MYCBPAP: variants seen among roughly 807,000 people sequenced by gnomAD.
The protein encoded by MYCBPAP is MYCBP associated protein, also known as MYCBP-associated protein.
In MYCBPAP, 60 loss-of-function variants were observed where a neutral mutation model predicts 106.1. That is an observed-to-expected ratio of 0.57 (90% CI 0.46 to 0.70). MYCBPAP has a LOEUF of 0.70. MYCBPAP is among the 30% of genes least tolerant of loss of function. The pLI, the probability that MYCBPAP is intolerant of heterozygous loss-of-function variation, is 0.00. For synonymous variants in MYCBPAP, 407 were observed against 440.6 expected (o/e 0.92, Z 0.95); for missense variants, 1,064 against 1,169.3 (o/e 0.91, Z 1.31).
intron 1 of MYCBPAP, among the ~76,000 whole-genome samples, chr17:50,513,668 C>T (rs2033940489): frequency 6.6e-6 from 1 of 152,206 alleles, no homozygotes; most frequent in African/African-American, 2.4e-5. Context: ...CAGTAAAAAG[C>T]ACACATCTGG....
At chr17:50,518,488 C>T in intron 4 of MYCBPAP, 53 bp from the exon 5 acceptor site, 6 of 1,476,326 alleles carry the variant, frequency 4.1e-6, no homozygotes, top group African/African-American at 1.4e-5. Flanking sequence ...GTGTGCTCAG[C>T]CCTGCCCAGA....
chr17:50,511,691 G>A (rs1013890387), intron 1 of MYCBPAP, among the ~76,000 whole-genome samples: 4 of 152,270 alleles, frequency 2.6e-5, no homozygotes, highest in African/African-American at 9.6e-5. Flanking sequence ...AGCATCAAGG[G>A]AGAAATGTCA....
At chr17:50,523,564 A>G (rs780497660) in intron 11 of MYCBPAP, 33 bp from the exon 12 acceptor site, 4 of 1,610,396 alleles carry the variant, frequency 2.5e-6, no homozygotes, top group African/African-American at 1.3e-5. Context: ...CAGCTCCTGC[A>G]TGTTGAAAAC....
intron 14 of MYCBPAP, among the ~76,000 whole-genome samples, chr17:50,526,904 G>A (rs901135049): frequency 3.4e-4 from 51 of 152,202 alleles, no homozygotes; most frequent in African/African-American, 1.1e-3. Context: ...TAGTAGAGAC[G>A]GGGTTTCACC....
chr17:50,519,132 T>TG (rs2034164082), intron 6 of MYCBPAP, 43 bp downstream of exon 6: 1 of 746,136 alleles, frequency 1.3e-6, no homozygotes, highest in South Asian at 2.2e-5. Flanking sequence ...GGGGGGTCCA[T>TG]GGAGGAGGGG....
At chr17:50,524,777 A>G (rs1030626642) in intron 12 of MYCBPAP, 100 bp from the exon 13 acceptor site, 16 of 1,209,078 alleles carry the variant, frequency 1.3e-5, no homozygotes, top group Admixed American at 2.0e-5. Context: ...AGGAACTCAG[A>G]CCCTAGGAAG....
intron 16 of MYCBPAP, 141 bp from the exon 17 acceptor site, chr17:50,528,554 G>A: frequency 8.9e-7 from 1 of 1,123,082 alleles, no homozygotes. Context: ...CCACAGTCCT[G>A]TTTCATGAAG....
rs138694699 is a variant in MYCBPAP, at chr17:50,523,014, G to T, written c.1333G>T (p.Val445Phe). ...GEKTSSELTV[V>F]NNGTVAIWYD... ...GAAAACCTCCTCAGAACTGACTGTG[G>T]TCAATAATGGCACCGTGGCCATTTG... is the stretch of plus-strand genomic sequence containing the variant. The change falls in exon 11 of 19, where the codon GTC becomes TTC. Residue 445 changes from valine to phenylalanine, a missense_variant. By Grantham distance (50) the Val-to-Phe change is conservative. Transcript: ENST00000323776. 1.1e-5 allele frequency: 18 copies of T among 1,614,068 alleles called. No homozygotes were observed. The highest frequency in any genetic ancestry group is 1.4e-5 in the Non-Finnish European group (17 of 1,180,004).
intron 1 of MYCBPAP, among the ~76,000 whole-genome samples, chr17:50,513,914 G>C (rs1327959820): frequency 6.6e-6 from 1 of 152,200 alleles, no homozygotes; most frequent in Admixed American, 6.5e-5. Context: ...CTGGAACTCG[G>C]GGTTCAGCCG....
At chr17:50,524,804 G>T in intron 12 of MYCBPAP, 73 bp from the exon 13 acceptor site, 2 of 1,538,530 alleles carry the variant, frequency 1.3e-6, no homozygotes, top group South Asian at 1.2e-5. Flanking sequence ...AGTCCTGGGG[G>T]CTCCAACTTC....
chr17:50,518,191 G>A (rs2034121742), intron 4 of MYCBPAP, among the ~76,000 whole-genome samples: 1 of 152,222 alleles, frequency 6.6e-6, no homozygotes, highest in Admixed American at 6.5e-5. Context: ...CTGGTTCCAG[G>A]CTGACTCTGA....
rs2034101778 is a variant in MYCBPAP at position 50,517,655 on chromosome 17, T to G, written c.425T>G (p.Leu142Arg). 18 of 1,614,052 alleles carry G rather than the reference T, an allele frequency of 1.1e-5. No individual in the cohort carries two copies. Among genetic ancestry groups the G allele is most frequent in the Non-Finnish European group, 1.4e-5 (16 of 1,180,050 alleles). ...CTGCCCCACCACATCTTGGGGAGTC[T>G]CCAGGATTTTAAGAGAATTGCACTT... ...QILPHHILGS[L>R]QDFKRIALAR... Residue 142 changes from leucine (L) to arginine (R), a missense_variant, in exon 4 of 19, where the codon CTC (leucine) becomes CGC (arginine). Physicochemically the swap from Leu to Arg is moderately radical, Grantham distance 102. Coordinates refer to ENST00000323776, the MANE Select transcript of MYCBPAP (RefSeq NM_032133.6).
At chr17:50,522,827 G>A in intron 10 of MYCBPAP, 112 bp from the exon 11 acceptor site, 1 of 1,048,968 alleles carries the variant, frequency 9.5e-7, no homozygotes, top group Non-Finnish European at 1.4e-6. Flanking sequence ...TGGAGGCCTG[G>A]GACACGAGAC....
rs138251646 is a variant in MYCBPAP at position 50,529,147 on chromosome 17, C to T, written c.2683C>T (p.Pro895Ser). 5.0e-6 allele frequency: 8 copies of T among 1,613,594 alleles called. No individual in the cohort carries two copies. Among genetic ancestry groups the T allele is most frequent in the Non-Finnish European group, 6.8e-6 (8 of 1,180,018 alleles). Residue 895 changes from proline to serine, a missense_variant, in exon 18 of 19, where the codon CCC becomes TCC. Pro to Ser is a moderately conservative substitution (Grantham distance 74). Coordinates refer to ENST00000323776, the MANE Select transcript of MYCBPAP (RefSeq NM_032133.6). ...CCTCTCTTCTCAAGAACCCATAGACCCCCTGGTCATGGGGAAATACACCCA... is the reference window on the plus strand; with the variant it reads ...CCTCTCTTCTCAAGAACCCATAGACTCCCTGGTCATGGGGAAATACACCCA... ...IILSSQEPID[P>S]LVMGKYTQSL...
intron 7 of MYCBPAP, 89 bp from the exon 8 acceptor site, chr17:50,521,021 G>T: frequency 2.0e-6 from 2 of 1,001,000 alleles, no homozygotes; most frequent in Non-Finnish European, 3.0e-6. Context: ...AAATGGTGTT[G>T]GGATAGGCAC....
chr17:50,508,502 A>G lies in MYCBPAP; in HGVS notation c.-173A>G. The G allele has an allele frequency of 2.0e-6, 3 of 1,515,456 alleles. No individual in the cohort carries two copies. Among genetic ancestry groups the G allele is most frequent in the Non-Finnish European group, 2.6e-6 (3 of 1,132,378 alleles). 93.9% of individuals were successfully genotyped at this position (1,515,456 alleles called of 1,614,324 possible). A position where few individuals can be genotyped will look rare whatever the true frequency, so the allele number is the denominator to read the frequency against. The stretch of plus-strand genomic sequence containing the variant: ...CGGCGGGCGCGTGCGCGGCCCGATG[A>G]AGAAGGAGGTTTCCAAGCCGTCTCC... On this transcript the variant is annotated 5_prime_UTR_variant, in exon 1 of 19. Coordinates refer to ENST00000323776, the MANE Select transcript of MYCBPAP (RefSeq NM_032133.6).
At chr17:50,522,875 G>A (rs1412014270) in intron 10 of MYCBPAP, 64 bp from the exon 11 acceptor site, 4 of 1,525,752 alleles carry the variant, frequency 2.6e-6, no homozygotes, top group African/African-American at 1.4e-5. Flanking sequence ...GGGCAGACCA[G>A]ATGAGTTGTT....
intron 14 of MYCBPAP, among the ~76,000 whole-genome samples, chr17:50,526,913 C>T (rs998019161): frequency 6.6e-6 from 1 of 152,190 alleles, no homozygotes; most frequent in Non-Finnish European, 1.5e-5. Context: ...CGGGGTTTCA[C>T]CATGTTGGTC....
At chr17:50,519,156 T>G in intron 6 of MYCBPAP, 67 bp downstream of exon 6, 1 of 1,152,628 alleles carries the variant, frequency 8.7e-7, no homozygotes, top group Non-Finnish European at 1.3e-6. Context: ...GGGGCAGGTG[T>G]CTGGACACAG....
Sources: allele counts gnomAD v4.1 joint callset (sites outside exome capture counted in the v4.1 genomes callset), GRCh38; gene constraint gnomAD v4.1.1; transcripts MANE v1.5; gene names NCBI Gene and HGNC (gene_info 2026-07-23, HGNC 2026-07-21).